The following RBFOX2 variants were observed in gnomAD, a reference collection of about 807,000 sequenced individuals.
RBFOX2 encodes RNA binding protein fox-1 homolog 2.
In RBFOX2, 10 loss-of-function variants were observed where a neutral mutation model predicts 49.1. The observed-to-expected ratio is 0.20, with a 90% CI of 0.13 to 0.35. RBFOX2 has a LOEUF of 0.35. Ranked by LOEUF, RBFOX2 falls within the 10% of genes least tolerant of loss-of-function variation. The pLI, the probability that RBFOX2 is intolerant of heterozygous loss-of-function variation, is 1.00. For synonymous variants in RBFOX2, 183 were observed against 187.4 expected, an observed-to-expected ratio of 0.98 and a Z score of 0.19; for missense variants, 323 against 486.9, an observed-to-expected ratio of 0.66 and a Z score of 3.17.
chr22:36,019,565 C>CTCCCAGT (rs1159221463), intron 1 of RBFOX2, among the ~76,000 whole-genome samples: 4 of 152,356 alleles, frequency 2.6e-5, no homozygotes, highest in African/African-American at 9.6e-5. Flanking sequence ...TACATTAATT[C>CTCCCAGT]TCCCAGTTCA....
chr22:35,881,196 G>A (rs1306836200), intron 1 of RBFOX2, among the ~76,000 whole-genome samples: 2 of 152,232 alleles, frequency 1.3e-5, no homozygotes, highest in South Asian at 2.1e-4. Flanking sequence ...CCTGGGAGGC[G>A]GAGCTTGCAG....
At chr22:35,963,005 T>C (rs542677684), upstream of RBFOX2, among the ~76,000 whole-genome samples, 44 of 139,810 alleles carry the variant, frequency 3.1e-4, no homozygotes, top group East Asian at 4.3e-3. Context: ...CACAGGAAAA[T>C]TGTATTTTCA....
chr22:35,918,187 T>C (rs1569487130), intron 1 of RBFOX2, among the ~76,000 whole-genome samples: 1 of 152,180 alleles, frequency 6.6e-6, no homozygotes, highest in Non-Finnish European at 1.5e-5. Context: ...CAATTCACTC[T>C]CTAAACTAAA....
intron 9 of RBFOX2, 142 bp downstream of exon 11, chr22:35,755,963 A>G: frequency 2.8e-6 from 1 of 355,676 alleles, no homozygotes. Context: ...ATAAATATAT[A>G]TATATATATA....
chr22:35,887,701 T>C (rs2046761952), intron 1 of RBFOX2, among the ~76,000 whole-genome samples: 1 of 152,132 alleles, frequency 6.6e-6, no homozygotes, highest in African/African-American at 2.4e-5. Flanking sequence ...TTCATCTCCA[T>C]TGTTAGTCTT....
intron 1 of RBFOX2, among the ~76,000 whole-genome samples, chr22:35,859,027 C>G (rs12166534): frequency 0.1 from 15,594 of 151,940 alleles, 1,500 homozygotes; most frequent in African/African-American, 0.26. Flanking sequence ...GCATGAAGGC[C>G]TACAAACAGC....
chr22:35,921,432 CA>C, intron 1 of RBFOX2, among the ~76,000 whole-genome samples: 1 of 152,266 alleles, frequency 6.6e-6, no homozygotes, highest in East Asian at 1.9e-4. Context: ...GGTAAGTTCC[CA>C]GGTGATGCTG....
intron 1 of RBFOX2, among the ~76,000 whole-genome samples, chr22:35,869,299 A>T (rs2044059595): frequency 6.6e-6 from 1 of 151,736 alleles, no homozygotes; most frequent in Non-Finnish European, 1.5e-5. Context: ...CTGGGATTAC[A>T]GGCACCCACC....
intron 1 of RBFOX2, among the ~76,000 whole-genome samples, chr22:35,969,184 C>A (rs1178674532): frequency 6.6e-6 from 1 of 152,168 alleles, no homozygotes; most frequent in Non-Finnish European, 1.5e-5. Context: ...TAGATCAGAA[C>A]TTCTGCCTTT....
chr22:35,917,041 C>G (rs954812697), intron 1 of RBFOX2, among the ~76,000 whole-genome samples: 1 of 152,168 alleles, frequency 6.6e-6, no homozygotes, highest in Non-Finnish European at 1.5e-5. Flanking sequence ...GGCCATCTGA[C>G]AACCTTATTA....
chr22:36,018,952 T>G (rs1431408732), intron 1 of RBFOX2, among the ~76,000 whole-genome samples: 1 of 152,136 alleles, frequency 6.6e-6, no homozygotes, highest in Non-Finnish European at 1.5e-5. Context: ...GTTAGCAGTC[T>G]GGAGAGCGGG....
chr22:35,807,927 C>T (rs1389173106), intron 2 of RBFOX2, among the ~76,000 whole-genome samples: 2 of 151,546 alleles, frequency 1.3e-5, no homozygotes, highest in Admixed American at 6.6e-5. Context: ...AAAATTAAAA[C>T]GATTATATGA....
intron 1 of RBFOX2, among the ~76,000 whole-genome samples, chr22:35,916,434 A>G (rs1208341995): frequency 1.3e-5 from 2 of 152,148 alleles, no homozygotes; most frequent in Non-Finnish European, 2.9e-5. Context: ...GGCATGGGCC[A>G]CCAAACCCGG....
intron 9 of RBFOX2, among the ~76,000 whole-genome samples, chr22:35,754,219 G>C (rs1046402582): frequency 1.3e-5 from 2 of 151,258 alleles, no homozygotes; most frequent in Admixed American, 6.6e-5. Flanking sequence ...AGCCTCCCGA[G>C]TAGCTGGGAC....
At chr22:35,895,789 A>G (rs2047771109) in intron 1 of RBFOX2, among the ~76,000 whole-genome samples, 1 of 152,086 alleles carries the variant, frequency 6.6e-6, no homozygotes, top group South Asian at 2.1e-4. Context: ...TGTTTCCTCT[A>G]CCAAAAAATA....
At chr22:35,904,273 T>C (rs979026604) in intron 1 of RBFOX2, among the ~76,000 whole-genome samples, 8 of 152,204 alleles carry the variant, frequency 5.3e-5, no homozygotes, top group African/African-American at 1.7e-4. Flanking sequence ...GCCCTGTTTA[T>C]GTTCTTCCTA....
chr22:35,783,643 G>C (rs1052564184), intron 2 of RBFOX2, among the ~76,000 whole-genome samples: 23 of 152,034 alleles, frequency 1.5e-4, no homozygotes, highest in Non-Finnish European at 2.8e-4. Flanking sequence ...GAGAACATCC[G>C]GAATCAGAAG....
At chr22:35,979,982 C>T (rs2057378744) in intron 1 of RBFOX2, among the ~76,000 whole-genome samples, 1 of 152,086 alleles carries the variant, frequency 6.6e-6, no homozygotes, top group Admixed American at 6.5e-5. Context: ...TCAGACCATC[C>T]CTGCCCTCAA....
rs575157829 is a variant in RBFOX2, at chr22:35,959,505, T to C, written c.42+2058A>G. ...GCGGTTATCACCCAATTATTCCCAT[T>C]GGTAGAAGAAAAGCAGTGCTTCTCA... On this transcript the variant is annotated intron_variant, in intron 1 of 5. Transcript: ENST00000408983. 2.6e-4 allele frequency among the ~76,000 whole-genome samples: 39 copies of C among 152,334 alleles called. 1 individual carries two copies. The highest frequency in any genetic ancestry group is 9.1e-4 in the African/African-American group (38 of 41,576).
Sources: gnomAD v4.1 joint callset for allele counts (sites outside exome capture counted in the v4.1 genomes callset) on GRCh38, gnomAD v4.1.1 for gene constraint, MANE v1.5 for transcripts, NCBI Gene and HGNC (gene_info 2026-07-23, HGNC 2026-07-21) for gene names.